Variants in MAGI2 observed in about 807,000 individuals in gnomAD.
MAGI2 encodes membrane-associated guanylate kinase, WW and PDZ domain-containing protein 2.
In MAGI2, 35 loss-of-function variants were observed where a neutral mutation model predicts 133.3. The ratio of observed to expected loss-of-function variants is 0.26; its 90% CI spans 0.20 to 0.35. The LOEUF (loss-of-function observed/expected upper bound fraction) is 0.35. Among genes scored for constraint, MAGI2 ranks in the 10% least tolerant of loss-of-function variants. The pLI, the probability that MAGI2 is intolerant of heterozygous loss-of-function variation, is 1.00. For missense variants in MAGI2, 1,636 were observed against 1,863.4 expected (o/e 0.88, Z 2.25); for synonymous variants, 729 against 710.6 (o/e 1.03, Z -0.41).
chr7:78,339,607 T>A (rs1256225334), intron 9 of MAGI2, among the ~76,000 whole-genome samples: 1 of 152,236 alleles, frequency 6.6e-6, no homozygotes, highest in Non-Finnish European at 1.5e-5. Flanking sequence ...GGGGAGTCTT[T>A]CCCCTTTCCC....
intron 10 of MAGI2, 96 bp downstream of exon 10, chr7:78,255,847 C>T: frequency 8.0e-7 from 1 of 1,243,844 alleles, no homozygotes; most frequent in East Asian, 2.5e-5. Flanking sequence ...AGTATAATTT[C>T]ATTCAACTCC....
At chr7:78,145,843 T>C (rs1462629670) in intron 16 of MAGI2, among the ~76,000 whole-genome samples, 4 of 152,110 alleles carry the variant, frequency 2.6e-5, no homozygotes, top group African/African-American at 9.7e-5. Context: ...TTCATCTTCT[T>C]ATGAGGGCAC....
At chr7:78,892,116 A>C (rs1796813947) in intron 2 of MAGI2, among the ~76,000 whole-genome samples, 1 of 152,148 alleles carries the variant, frequency 6.6e-6, no homozygotes, top group Non-Finnish European at 1.5e-5. Context: ...TCATGAGTGA[A>C]CTCCCATTCA....
At chr7:78,882,197 G>A (rs1018993235) in intron 2 of MAGI2, among the ~76,000 whole-genome samples, 3 of 144,350 alleles carry the variant, frequency 2.1e-5, no homozygotes, top group African/African-American at 5.1e-5. Context: ...TGCTCCCACC[G>A]AAATTAAAAA....
At chr7:78,768,508 A>C (rs1297126682) in intron 2 of MAGI2, among the ~76,000 whole-genome samples, 1 of 152,216 alleles carries the variant, frequency 6.6e-6, no homozygotes, top group Non-Finnish European at 1.5e-5. Flanking sequence ...AACAGACACC[A>C]TGAAAATCTG....
At chr7:78,152,333 C>T (rs779867575) in intron 16 of MAGI2, among the ~76,000 whole-genome samples, 8 of 152,092 alleles carry the variant, frequency 5.3e-5, no homozygotes, top group Admixed American at 3.3e-4. Context: ...TGGAATGGAA[C>T]CTGTGAGGAG....
intron 21 of MAGI2, among the ~76,000 whole-genome samples, chr7:78,057,716 A>G (rs1365040718): frequency 6.6e-6 from 1 of 152,122 alleles, no homozygotes; most frequent in East Asian, 1.9e-4. Context: ...CTTTGGATGT[A>G]GAGAGATTGG....
At chr7:78,224,105 T>C (rs960527426) in intron 10 of MAGI2, among the ~76,000 whole-genome samples, 1 of 152,308 alleles carries the variant, frequency 6.6e-6, no homozygotes, top group Non-Finnish European at 1.5e-5. Flanking sequence ...TACGTAGATT[T>C]CATTGTGAAA....
intron 2 of MAGI2, among the ~76,000 whole-genome samples, chr7:78,879,973 T>C (rs939944942): frequency 6.6e-6 from 1 of 152,026 alleles, no homozygotes; most frequent in Non-Finnish European, 1.5e-5. Context: ...AGAAAGATTT[T>C]CAGAGATTAG....
intron 1 of MAGI2, among the ~76,000 whole-genome samples, chr7:79,266,622 C>T (rs1834478870): frequency 6.6e-6 from 1 of 152,120 alleles, no homozygotes. Flanking sequence ...CCATTGCCGT[C>T]CATCATTAGA....
chr7:78,271,348 C>T (rs765091395), intron 9 of MAGI2, among the ~76,000 whole-genome samples: 5 of 152,068 alleles, frequency 3.3e-5, no homozygotes, highest in Non-Finnish European at 5.9e-5. Flanking sequence ...CTGCTGGATT[C>T]GGTTTGCCAG....
In MAGI2 at chr7:78,752,246, A is replaced by G. The variant is rs1288153142; in HGVS notation, c.419-125007T>C. Among the ~76,000 whole-genome samples the G allele has an allele frequency of 2.6e-5, 4 of 152,286 alleles. No individual in the cohort carries two copies. The East Asian group carries it at 7.7e-4, about 29-fold the overall frequency. On this transcript the variant is annotated intron_variant, in intron 2 of 21. Coordinates refer to ENST00000354212, the MANE Select transcript of MAGI2 (RefSeq NM_012301.4). ...GTTTAGTCATTCTTGTGGATTGGAT[A>G]ATGTTCTTGATTTTGTCTGTTTTTG...
chr7:78,915,599 A>C (rs560814580), intron 2 of MAGI2, among the ~76,000 whole-genome samples: 4 of 152,166 alleles, frequency 2.6e-5, no homozygotes, highest in African/African-American at 9.6e-5. Flanking sequence ...CAAAATAAAA[A>C]GTTGTATAAT....
chr7:78,235,197 T>C (rs936006653), intron 10 of MAGI2, among the ~76,000 whole-genome samples: 2 of 152,224 alleles, frequency 1.3e-5, no homozygotes, highest in Non-Finnish European at 2.9e-5. Context: ...TTGTTGGCTG[T>C]AACCATTACT....
chr7:79,268,740 T>C (rs1267192106), intron 1 of MAGI2, among the ~76,000 whole-genome samples: 2 of 152,150 alleles, frequency 1.3e-5, no homozygotes, highest in Non-Finnish European at 2.9e-5. Flanking sequence ...GTATGGCAAG[T>C]GCCTGAGTTT....
intron 7 of MAGI2, among the ~76,000 whole-genome samples, chr7:78,348,089 C>A (rs532960627): frequency 6.6e-6 from 1 of 152,178 alleles, no homozygotes; most frequent in Non-Finnish European, 1.5e-5. Context: ...GTAGCTTCAC[C>A]TTTGGCTGCA....
chr7:78,061,766 G>C (rs1341259956), intron 21 of MAGI2, among the ~76,000 whole-genome samples: 1 of 152,146 alleles, frequency 6.6e-6, no homozygotes, highest in Non-Finnish European at 1.5e-5. Context: ...GGTGGAAAGA[G>C]AGTTGAAGAC....
At chr7:79,367,868 T>TATATATATATATATATATATATAG (rs1842811506) in intron 1 of MAGI2, among the ~76,000 whole-genome samples, 1 of 109,674 alleles carries the variant, frequency 9.1e-6, no homozygotes, top group Non-Finnish European at 1.9e-5. Context: ...CATATATATA[T>TATATATATATATATATATATATAG]ATATATATGT....
At chr7:78,461,141 T>C (rs539139710) in intron 6 of MAGI2, among the ~76,000 whole-genome samples, 49 of 152,212 alleles carry the variant, frequency 3.2e-4, no homozygotes, top group South Asian at 6.2e-4. Context: ...TCATTCTATG[T>C]CAGTTTATCC....
Sources: allele counts gnomAD v4.1 joint callset (sites outside exome capture counted in the v4.1 genomes callset), GRCh38; gene constraint gnomAD v4.1.1; transcripts MANE v1.5; gene names NCBI Gene and HGNC (gene_info 2026-07-23, HGNC 2026-07-21).